CDC42BPA: variants seen among roughly 807,000 people sequenced by gnomAD.
CDC42BPA encodes the protein serine/threonine-protein kinase MRCK alpha.
A neutral mutation model predicts 223.5 loss-of-function variants in CDC42BPA; 80 were observed. The ratio of observed to expected loss-of-function variants is 0.36; its 90% CI spans 0.30 to 0.43. The LOEUF (loss-of-function observed/expected upper bound fraction) is 0.43, where lower values mean the gene tolerates loss of function less well. Ranked by LOEUF, CDC42BPA falls within the 20% of genes least tolerant of loss-of-function variation. The pLI, the probability that CDC42BPA is intolerant of heterozygous loss-of-function variation, is 1.00. For missense variants in CDC42BPA, 1,743 were observed against 2,099.9 expected (o/e 0.83, Z 3.32); for synonymous variants, 694 against 718.6 (o/e 0.97, Z 0.55).
chr1:227,046,233 T>C (rs1672421839), intron 23 of CDC42BPA, among the ~76,000 whole-genome samples: 1 of 152,004 alleles, frequency 6.6e-6, no homozygotes, highest in African/African-American at 2.4e-5. Flanking sequence ...AGAGCAAACA[T>C]ATGATGTGCT....
chr1:227,217,332 A>T lies in CDC42BPA; in HGVS notation c.271-4113T>A, dbSNP rs551189971. ...TGTGGTGGCGGGCGCCTGTAGTCCC[A>T]GCTACTAGGGAGGCTGAGGCAGGAG... is the stretch of plus-strand genomic sequence containing the variant. On this transcript the variant is annotated intron_variant, in intron 2 of 36. Transcript: ENST00000366766. Among the ~76,000 whole-genome samples, 255 of 152,014 alleles carry T rather than the reference A, an allele frequency of 1.7e-3. 3 individuals carry two copies. Among genetic ancestry groups the T allele is most frequent in the African/African-American group, 5.3e-3 (221 of 41,466 alleles).
rs1656478188 is a variant in CDC42BPA at position 227,129,226 on chromosome 1, T to C, written c.1396A>G (p.Thr466Ala). The C allele has an allele frequency of 2.6e-6, 4 of 1,566,014 alleles. No individual in the cohort carries two copies. Among genetic ancestry groups the C allele is most frequent in the Non-Finnish European group, 2.6e-6 (3 of 1,161,346 alleles). The change falls in exon 11 of 37, where the codon ACA (threonine) becomes GCA (alanine). Residue 466 changes from threonine (T) to alanine (A), a missense_variant. Thr to Ala is a moderately conservative substitution (Grantham distance 58). Transcript: ENST00000366766. ...TACTGCAGAGCTTGGACAGTCTGTG[T>C]TGACTCTTTAAAAAAAAGGATAAAA... ...LELSRKLQESTQTVQALQYST... is the reference protein window; with the variant it reads ...LELSRKLQESAQTVQALQYST...
intron 16 of CDC42BPA, 35 bp from the exon 17 acceptor site, chr1:227,081,052 G>C (rs761908085): frequency 3.3e-5 from 53 of 1,608,450 alleles, no homozygotes; most frequent in Non-Finnish European, 4.4e-5. Flanking sequence ...ATGACTTTTA[G>C]GACCAAGAAT....
In CDC42BPA at chr1:227,102,285, C is replaced by A. The variant is rs965797359; in HGVS notation, c.2002-1046G>T. Among the ~76,000 whole-genome samples the A allele has an allele frequency of 5.3e-5, 8 of 152,208 alleles. No homozygotes were observed. The South Asian group carries it at 6.2e-4, about 12-fold the overall frequency. ...AGAAATAGCCCTGGCGTGTCCACTG[C>A]AATATTAACCATTTATCGAAAAAAT... On this transcript the variant is annotated intron_variant, in intron 14 of 36. Transcript: ENST00000366766.
At chr1:227,186,096 G>A (rs1231105457) in intron 5 of CDC42BPA, among the ~76,000 whole-genome samples, 1 of 152,132 alleles carries the variant, frequency 6.6e-6, no homozygotes, top group Non-Finnish European at 1.5e-5. Context: ...ACCAGTGCCT[G>A]GTTAGGAAAA....
At chr1:227,314,306 C>T (rs1203581550) in intron 1 of CDC42BPA, among the ~76,000 whole-genome samples, 1 of 151,944 alleles carries the variant, frequency 6.6e-6, no homozygotes, top group African/African-American at 2.4e-5. Flanking sequence ...AAAAATAATA[C>T]ATCTTATTAA....
chr1:227,067,912 T>C (rs1215868296), intron 21 of CDC42BPA, among the ~76,000 whole-genome samples: 1 of 152,136 alleles, frequency 6.6e-6, no homozygotes, highest in Non-Finnish European at 1.5e-5. Context: ...TTCAACAGGA[T>C]AATAAATGCT....
intron 21 of CDC42BPA, among the ~76,000 whole-genome samples, chr1:227,052,466 G>A: frequency 6.6e-6 from 1 of 152,152 alleles, no homozygotes; most frequent in Non-Finnish European, 1.5e-5. Flanking sequence ...ACTAAAGTAA[G>A]TCTTCCCTTT....
chr1:226,994,798 C>G lies in CDC42BPA; in HGVS notation c.5133+25G>C. The G allele has an allele frequency of 6.3e-7, 1 of 1,582,924 alleles. No homozygotes were observed. Among genetic ancestry groups the G allele is most frequent in the Non-Finnish European group, 8.6e-7 (1 of 1,163,058 alleles). On this transcript the variant is annotated intron_variant, in intron 36 of 36. Transcript: ENST00000366766. This position sits in a 1 kb window ranked among gnomAD's most constrained non-coding sequence, Gnocchi z 4.0. ...ATGCCCTAGTCTTTCTGATACATGA[C>G]GTCTCCGGAACCCTGCCCACTCACC...
intron 15 of CDC42BPA, among the ~76,000 whole-genome samples, chr1:227,092,598 T>C (rs938628517): frequency 2.0e-5 from 3 of 152,218 alleles, no homozygotes; most frequent in Admixed American, 6.5e-5. Flanking sequence ...CCTTATTTAG[T>C]ATTAGGCCAG....
intron 1 of CDC42BPA, among the ~76,000 whole-genome samples, chr1:227,284,486 C>T (rs1047293027): frequency 6.6e-6 from 1 of 152,130 alleles, no homozygotes; most frequent in Admixed American, 6.6e-5. Context: ...AAGTATTCTA[C>T]CCACCACCAT....
In CDC42BPA at chr1:227,248,366, C is replaced by T. The variant is rs188222643; in HGVS notation, c.270+5698G>A. On this transcript the variant is annotated intron_variant, in intron 2 of 36. Coordinates refer to ENST00000366766, the MANE Select transcript of CDC42BPA (RefSeq NM_001394014.1). The stretch of plus-strand genomic sequence containing the variant: ...TATTTTGGAAAACCTAAAGACTCCA[C>T]ACACACACACAAAAAAACTTATTCA... 2.3e-3 allele frequency among the ~76,000 whole-genome samples: 350 copies of T among 152,140 alleles called. 2 individuals carry two copies. The highest frequency in any genetic ancestry group is 8.2e-3 in the African/African-American group (339 of 41,520).
intron 14 of CDC42BPA, among the ~76,000 whole-genome samples, chr1:227,105,126 GTAAAA>G (rs1685681189): frequency 6.6e-6 from 1 of 151,914 alleles, no homozygotes; most frequent in East Asian, 1.9e-4. Context: ...TTTTTAAGTG[GTAAAA>G]CAACATACAA....
At chr1:227,141,113 C>A (rs929490641) in intron 9 of CDC42BPA, among the ~76,000 whole-genome samples, 6 of 152,108 alleles carry the variant, frequency 3.9e-5, no homozygotes, top group African/African-American at 1.4e-4. Flanking sequence ...CTAGGACTGA[C>A]AAGTGATCAT....
intron 14 of CDC42BPA, among the ~76,000 whole-genome samples, chr1:227,110,540 C>A (rs1002257791): frequency 6.6e-6 from 1 of 152,126 alleles, no homozygotes; most frequent in African/African-American, 2.4e-5. Context: ...TGTACTCTAT[C>A]ACTTATGACT....
At chr1:227,014,522 GAT>G (rs903203132) in intron 34 of CDC42BPA, among the ~76,000 whole-genome samples, 2 of 152,004 alleles carry the variant, frequency 1.3e-5, no homozygotes, top group South Asian at 2.1e-4. Context: ...CTTGAATGCA[GAT>G]ATGTTTTCTT....
At chr1:227,031,239 G>T (rs930714895) in intron 28 of CDC42BPA, 59 bp downstream of exon 28, 2 of 1,354,546 alleles carry the variant, frequency 1.5e-6, no homozygotes, top group African/African-American at 2.9e-5. Flanking sequence ...GCCAATCCCT[G>T]TTCTCAAGGT....
At chr1:227,281,656 C>T (rs184351618) in intron 1 of CDC42BPA, among the ~76,000 whole-genome samples, 1 of 152,182 alleles carries the variant, frequency 6.6e-6, no homozygotes, top group East Asian at 1.9e-4. Context: ...GCAATTAAGT[C>T]TCTGAGAACC....
intron 6 of CDC42BPA, among the ~76,000 whole-genome samples, chr1:227,156,003 T>C (rs1173515433): frequency 2.0e-5 from 3 of 151,994 alleles, no homozygotes; most frequent in African/African-American, 7.2e-5. Flanking sequence ...AATGAAATGC[T>C]CAAAGCACCA....
Sources: gnomAD v4.1 joint callset for allele counts (sites outside exome capture counted in the v4.1 genomes callset) on GRCh38, gnomAD v4.1.1 for gene constraint, Gnocchi (gnomAD v3.1) non-coding constraint, MANE v1.5 for transcripts, NCBI Gene and HGNC (gene_info 2026-07-23, HGNC 2026-07-21) for gene names.